PIGU: variants seen among roughly 807,000 people sequenced by gnomAD.
The protein encoded by PIGU is phosphatidylinositol glycan anchor biosynthesis class U.
In PIGU, 24 loss-of-function variants were observed where a neutral mutation model predicts 49.9. That is an observed-to-expected ratio of 0.48 (90% CI 0.35 to 0.68). The LOEUF is 0.68. Among genes scored for constraint, PIGU ranks in the 30% least tolerant of loss-of-function variants. The pLI is 0.01. For synonymous variants in PIGU, 220 were observed against 205.7 expected, an observed-to-expected ratio of 1.07 and a Z score of -0.59; for missense variants, 490 against 532.6, an observed-to-expected ratio of 0.92 and a Z score of 0.79.
chr20:34,649,240 T>C (rs545926155), intron 2 of PIGU, among the ~76,000 whole-genome samples: 27 of 152,132 alleles, frequency 1.8e-4, no homozygotes, highest in Middle Eastern at 3.4e-3. Context: ...TTTATAGAGC[T>C]TCCTGAATAA....
chr20:34,589,377 CAG>C (rs1983853057), intron 7 of PIGU, among the ~76,000 whole-genome samples: 1 of 152,232 alleles, frequency 6.6e-6, no homozygotes, highest in South Asian at 2.1e-4. Flanking sequence ...TTGTTTGAGA[CAG>C]AGTCTTGCTG....
At chr20:34,564,690 A>C (rs1174098045) in intron 11 of PIGU, among the ~76,000 whole-genome samples, 3 of 152,260 alleles carry the variant, frequency 2.0e-5, no homozygotes, top group Non-Finnish European at 4.4e-5. Context: ...TCTGCATTTC[A>C]ATTTGAAATA....
At chr20:34,581,446 C>A in intron 10 of PIGU, 102 bp downstream of exon 10, 1 of 1,458,218 alleles carries the variant, frequency 6.9e-7, no homozygotes, top group Non-Finnish European at 9.3e-7. Flanking sequence ...GTGCTGCCAG[C>A]ATAACAGGTG....
At chr20:34,598,820 G>T (rs939750907) in intron 7 of PIGU, among the ~76,000 whole-genome samples, 5 of 152,330 alleles carry the variant, frequency 3.3e-5, no homozygotes, top group Admixed American at 2.6e-4. Context: ...TACAGGCCCT[G>T]CTAGATTCAT....
At chr20:34,672,640 G>C (rs1034596240) in intron 1 of PIGU, among the ~76,000 whole-genome samples, 2 of 151,432 alleles carry the variant, frequency 1.3e-5, no homozygotes, top group Non-Finnish European at 2.9e-5. Flanking sequence ...ATCGCTTGAG[G>C]CCAGGAGCTT....
At chr20:34,645,601 T>C (rs982315401) in intron 2 of PIGU, among the ~76,000 whole-genome samples, 2 of 152,096 alleles carry the variant, frequency 1.3e-5, no homozygotes, top group Non-Finnish European at 2.9e-5. Context: ...CATTAAAGAA[T>C]AGTCAACACA....
At chr20:34,578,622 G>A (rs778131833) in intron 10 of PIGU, among the ~76,000 whole-genome samples, 4 of 152,174 alleles carry the variant, frequency 2.6e-5, no homozygotes, top group African/African-American at 4.8e-5. Context: ...GTGCTATCTC[G>A]AAGGGCTGCA....
intron 6 of PIGU, among the ~76,000 whole-genome samples, chr20:34,629,062 G>A (rs964277686): frequency 1.3e-5 from 2 of 150,850 alleles, no homozygotes; most frequent in African/African-American, 4.9e-5. Context: ...TGTCGCCCAG[G>A]CTGGATTGCA....
chr20:34,626,290 T>G (rs888970074), intron 6 of PIGU, among the ~76,000 whole-genome samples: 4 of 149,270 alleles, frequency 2.7e-5, no homozygotes, highest in Non-Finnish European at 5.9e-5. Context: ...ATAAAATTTT[T>G]TAAAACTCCA....
At chr20:34,588,690 G>A (rs1034851384) in intron 7 of PIGU, 83 bp from the exon 8 acceptor site, 19 of 1,318,800 alleles carry the variant, frequency 1.4e-5, no homozygotes, top group Admixed American at 4.5e-5. Context: ...GATCCCTCCC[G>A]CAAAACCATA....
intron 1 of PIGU, among the ~76,000 whole-genome samples, 175 bp from the exon 2 acceptor site, chr20:34,657,419 G>T (rs1986737488): frequency 6.6e-6 from 1 of 152,138 alleles, no homozygotes; most frequent in Admixed American, 6.6e-5. Context: ...CTCTTTCATG[G>T]ACAGCATCCT....
At chr20:34,627,267 A>ATTC (rs1484215576) in intron 6 of PIGU, among the ~76,000 whole-genome samples, 1 of 152,198 alleles carries the variant, frequency 6.6e-6, no homozygotes, top group African/African-American at 2.4e-5. Flanking sequence ...AATTTCTTTT[A>ATTC]TTCTTACCAA....
chr20:34,584,504 CTTTT>C (rs5841174), intron 9 of PIGU, among the ~76,000 whole-genome samples: 1 of 66,404 alleles, frequency 1.5e-5, no homozygotes, highest in African/African-American at 5.8e-5. Context: ...AACTCCTGTT[CTTTT>C]TTTTTTTTTT....
In PIGU at chr20:34,654,403, G is replaced by A. The variant is rs942720762; in HGVS notation, c.195+2777C>T. On this transcript the variant is annotated intron_variant, in intron 2 of 11. Coordinates refer to ENST00000217446, the MANE Select transcript of PIGU (RefSeq NM_080476.5). ...ACTTGAATCCAGGGTGGGGGAAGGG[G>A]GAGGGGGTTGCAGAGGTTGCAATGA... 4.5e-5 allele frequency among the ~76,000 whole-genome samples: 5 copies of A among 111,078 alleles called. 1 individual carries two copies. The highest frequency in any genetic ancestry group is 9.5e-5 in the Non-Finnish European group (5 of 52,672). 72.9% of individuals were successfully genotyped at this position (111,078 alleles called of 152,430 possible).
chr20:34,676,530 C>T (rs974941388), intron 1 of PIGU, among the ~76,000 whole-genome samples: 5 of 152,186 alleles, frequency 3.3e-5, no homozygotes, highest in African/African-American at 7.2e-5. Flanking sequence ...AATTGGTCCC[C>T]TCATCCCGGA....
intron 6 of PIGU, among the ~76,000 whole-genome samples, chr20:34,631,743 A>C (rs1568649249): frequency 3.6e-4 from 1 of 2,750 alleles, no homozygotes; most frequent in African/African-American, 7.3e-4. Flanking sequence ...ATATATATAT[A>C]TATATATATA....
At chr20:34,589,769 C>T (rs1219064276) in intron 7 of PIGU, among the ~76,000 whole-genome samples, 1 of 150,800 alleles carries the variant, frequency 6.6e-6, no homozygotes, top group Non-Finnish European at 1.5e-5. Context: ...GATTCTCCTG[C>T]CTCACCCTCC....
At chr20:34,585,351 A>G in intron 9 of PIGU, 86 bp downstream of exon 9, 9 of 1,467,358 alleles carry the variant, frequency 6.1e-6, no homozygotes, top group Non-Finnish European at 8.3e-6. Context: ...GGTGCTCCAC[A>G]TTTGAAGGCC....
At chr20:34,675,070 G>C (rs6087614) in intron 1 of PIGU, among the ~76,000 whole-genome samples, 46,023 of 151,208 alleles carry the variant, frequency 0.3, 8,824 homozygotes, top group Admixed American at 0.52. Context: ...CCAACATGGA[G>C]AACCCCTGTC....
Sources: gnomAD v4.1 joint callset for allele counts (sites outside exome capture counted in the v4.1 genomes callset) on GRCh38, gnomAD v4.1.1 for gene constraint, MANE v1.5 for transcripts, NCBI Gene and HGNC (gene_info 2026-07-23, HGNC 2026-07-21) for gene names.